RGSL1: variants seen among roughly 807,000 people sequenced by gnomAD.
RGSL1 encodes the protein regulator of G protein signaling like 1, also known as regulator of G protein signaling protein-like.
Under a neutral mutation model 124.7 loss-of-function variants are expected in RGSL1, and 97 were observed. The observed-to-expected ratio is 0.78, with a 90% CI of 0.66 to 0.92. The LOEUF (loss-of-function observed/expected upper bound fraction) is 0.92. Among genes scored for constraint, RGSL1 ranks in the 40% least tolerant of loss-of-function variants. The pLI is 0.00. For synonymous variants in RGSL1, 424 were observed against 438.1 expected, an observed-to-expected ratio of 0.97 and a Z score of 0.40; for missense variants, 1,233 against 1,288.4, an observed-to-expected ratio of 0.96 and a Z score of 0.66.
chr1:182,455,852 A>G (rs1652274234), intron 2 of RGSL1, among the ~76,000 whole-genome samples: 1 of 152,222 alleles, frequency 6.6e-6, no homozygotes. Context: ...CATTACCCCA[A>G]GGTGTTAGAG....
intron 11 of RGSL1, among the ~76,000 whole-genome samples, chr1:182,529,725 C>T (rs1471823634): frequency 6.6e-6 from 1 of 152,136 alleles, no homozygotes; most frequent in Non-Finnish European, 1.5e-5. Flanking sequence ...TGTTGAATCT[C>T]AGGATGTTGA....
intron 6 of RGSL1, among the ~76,000 whole-genome samples, chr1:182,477,404 G>C (rs1654378152): frequency 6.6e-6 from 1 of 152,126 alleles, no homozygotes; most frequent in South Asian, 2.1e-4. Context: ...GCAGCCCTGT[G>C]ACCCAGCTCC....
intron 20 of RGSL1, 87 bp from the exon 21 acceptor site, chr1:182,555,937 A>G: frequency 8.0e-7 from 1 of 1,248,240 alleles, no homozygotes; most frequent in Non-Finnish European, 1.1e-6. Context: ...CCATTCCTAA[A>G]GGAAATGACA....
rs865849616 is a variant in RGSL1, at chr1:182,474,166, C to T, written c.1055C>T (p.Ser352Phe). 9.7e-6 allele frequency: 15 copies of T among 1,551,936 alleles called. No individual in the cohort carries two copies. The South Asian group carries it at 1.7e-4, about 17-fold the overall frequency. The change falls in exon 6 of 22, where the codon TCC becomes TTC. Residue 352 changes from serine (S) to phenylalanine (F), a missense_variant. Physicochemically the swap from Ser to Phe is radical, Grantham distance 155. Transcript: ENST00000294854. ...LRTVIPIVNH[S>F]SKMTIQKAIK... ...ACTGTCATCCCCATTGTCAATCACT[C>T]CTCCAAGATGACAATTCAGAAGGCC... is the stretch of plus-strand genomic sequence containing the variant.
At chr1:182,493,376 C>T (rs1335917829) in intron 9 of RGSL1, among the ~76,000 whole-genome samples, 2 of 152,166 alleles carry the variant, frequency 1.3e-5, no homozygotes, top group Non-Finnish European at 2.9e-5. Flanking sequence ...TTCATTTCTA[C>T]TTTCTTATCT....
At chr1:182,539,506 T>A (rs1342575346) in intron 14 of RGSL1, among the ~76,000 whole-genome samples, 2 of 152,152 alleles carry the variant, frequency 1.3e-5, no homozygotes, top group Non-Finnish European at 2.9e-5. Context: ...CAATAAATCC[T>A]GAACAGCACT....
chr1:182,491,682 A>G (rs1655535673), intron 8 of RGSL1, among the ~76,000 whole-genome samples: 1 of 147,978 alleles, frequency 6.8e-6, no homozygotes, highest in South Asian at 2.3e-4. Context: ...ATTACACATC[A>G]TGGTGATGAT....
At chr1:182,531,997 A>C (rs1659206301) in intron 13 of RGSL1, among the ~76,000 whole-genome samples, 1 of 152,188 alleles carries the variant, frequency 6.6e-6, no homozygotes, top group African/African-American at 2.4e-5. Context: ...TGCTTTTTGT[A>C]CTTCACTGCT....
In RGSL1 at chr1:182,482,419, G is replaced by A. The variant is rs866667617; in HGVS notation, c.1432-5866G>A. On this transcript the variant is annotated intron_variant, in intron 6 of 21. Transcript: ENST00000294854. Reference sequence around the variant, plus strand: ...CAAGAAAAATAAAAAATAAAAAAAAGCATCCAAATAGAAAAGGAAGAAGTG... The same window carrying A: ...CAAGAAAAATAAAAAATAAAAAAAAACATCCAAATAGAAAAGGAAGAAGTG... 2.7e-5 allele frequency among the ~76,000 whole-genome samples: 4 copies of A among 150,560 alleles called. No individual in the cohort carries two copies. In the South Asian group the frequency reaches 6.4e-4, roughly 24 times the overall value.
chr1:182,527,515 A>G (rs1289883277), intron 10 of RGSL1, 64 bp from the exon 11 acceptor site: 1 of 1,393,268 alleles, frequency 7.2e-7, no homozygotes, highest in Non-Finnish European at 9.7e-7. Flanking sequence ...CCATTTCCTA[A>G]TTGAAACAGA....
rs1414297631 is a variant in RGSL1 at position 182,530,346 on chromosome 1, C to G, written c.2228C>G (p.Ser743Cys). The change falls in exon 12 of 22, where the codon TCT becomes TGT. Residue 743 changes from serine to cysteine, a missense_variant. By Grantham distance (112) the Ser-to-Cys change is moderately radical. Coordinates refer to ENST00000294854, the MANE Select transcript of RGSL1 (RefSeq NM_001137669.2). Reference protein sequence around the residue: ...LLTLQGHVMKSIEEKWFKDYQ... With the variant: ...LLTLQGHVMKCIEEKWFKDYQ... ...ACGCTCCAGGGACATGTTATGAAATCTATAGAAGAAAAGTGGTGAGTATAC... is the reference window on the plus strand; with the variant it reads ...ACGCTCCAGGGACATGTTATGAAATGTATAGAAGAAAAGTGGTGAGTATAC... 1 of 1,550,392 alleles carries G rather than the reference C, an allele frequency of 6.4e-7. No individual in the cohort carries two copies. Among genetic ancestry groups the G allele is most frequent in the Non-Finnish European group, 8.7e-7 (1 of 1,146,192 alleles).
chr1:182,535,090 T>C (rs1013555250), intron 14 of RGSL1, among the ~76,000 whole-genome samples: 1 of 152,140 alleles, frequency 6.6e-6, no homozygotes, highest in African/African-American at 2.4e-5. Flanking sequence ...TATAGCATAC[T>C]TATAAGTGAC....
At chr1:182,550,654 G>A (rs1660500458) in intron 17 of RGSL1, 1 of 159,840 alleles carries the variant, frequency 6.3e-6, no homozygotes, top group African/African-American at 2.4e-5. Context: ...GCTGGGAATA[G>A]AGTGAGGTGG....
Position 182,488,766 on chromosome 1 carries a change from C to T in RGSL1, c.1495-214C>T, listed in dbSNP as rs1323475468. Reference sequence around the variant, plus strand: ...AAAAAAAAGATGACTTTGAAAAAGTCACAACCACAGAAAATTTCTTCCTTA... The same window carrying T: ...AAAAAAAAGATGACTTTGAAAAAGTTACAACCACAGAAAATTTCTTCCTTA... On this transcript the variant is annotated intron_variant, in intron 7 of 21. Transcript: ENST00000294854. The T allele has an allele frequency of 9.9e-6, 4 of 405,468 alleles. No homozygotes were observed. In the East Asian group the frequency reaches 1.3e-4, roughly 13 times the overall value. The allele number at this position is 405,468 out of a possible 1,614,324, so 25.1% of individuals were successfully genotyped here.
At position 182,559,873 on chromosome 1, in the gene RGSL1, T is replaced by C. The variant is rs190120980; in HGVS notation, c.*166-406T>C. Among the ~76,000 whole-genome samples, 117 of 152,272 alleles carry C rather than the reference T, an allele frequency of 7.7e-4. 1 individual carries two copies. Among genetic ancestry groups the C allele is most frequent in the African/African-American group, 2.7e-3 (112 of 41,550 alleles). On this transcript the variant is annotated intron_variant, in intron 21 of 21. Coordinates refer to ENST00000294854, the MANE Select transcript of RGSL1 (RefSeq NM_001137669.2). ...TTAGTTTCTGAGACACATTTTTTCC[T>C]CTCCTTGAGATACTTATTCATGTAT...
chr1:182,504,472 C>CTT (rs60918424), intron 9 of RGSL1, among the ~76,000 whole-genome samples: 43 of 59,508 alleles, frequency 7.2e-4, no homozygotes, highest in East Asian at 1.5e-3. Flanking sequence ...ATGAGCCATA[C>CTT]TTTTTTTTTT....
intron 9 of RGSL1, among the ~76,000 whole-genome samples, chr1:182,510,707 G>C (rs12079744): frequency 0.82 from 32,587 of 39,788 alleles, 14,981 homozygotes; most frequent in Non-Finnish European, 0.87. Flanking sequence ...AGAGGGAGAG[G>C]CCTATTGACT....
intron 8 of RGSL1, among the ~76,000 whole-genome samples, chr1:182,490,740 T>C (rs1655456991): frequency 6.6e-6 from 1 of 152,108 alleles, no homozygotes; most frequent in African/African-American, 2.4e-5. Flanking sequence ...GGAAGCTCCT[T>C]GTCCCTCTCC....
chr1:182,448,916 A>G (rs1395014422), upstream of RGSL1, among the ~76,000 whole-genome samples: 1 of 152,334 alleles, frequency 6.6e-6, no homozygotes, highest in Non-Finnish European at 1.5e-5. Context: ...AGGTGCACAC[A>G]GCTTGATTGA....
Sources: gnomAD v4.1 joint callset for allele counts (sites outside exome capture counted in the v4.1 genomes callset) on GRCh38, gnomAD v4.1.1 for gene constraint, MANE v1.5 for transcripts, NCBI Gene and HGNC (gene_info 2026-07-23, HGNC 2026-07-21) for gene names.